Variants in OXR1 observed in about 807,000 individuals in gnomAD.
OXR1 encodes oxidation resistance 1.
In OXR1, 41 loss-of-function variants were observed where a neutral mutation model predicts 104.6. The observed-to-expected ratio is 0.39, with a 90% CI of 0.31 to 0.51. The LOEUF is 0.51. Ranked by LOEUF, OXR1 falls within the 20% of genes least tolerant of loss-of-function variation. The pLI, the probability that OXR1 is intolerant of heterozygous loss-of-function variation, is 0.77. For synonymous variants in OXR1, 348 were observed against 348.4 expected, an observed-to-expected ratio of 1.00 and a Z score of 0.01; for missense variants, 955 against 1,031.9, an observed-to-expected ratio of 0.93 and a Z score of 1.02.
chr8:106,608,392 A>C (rs1198080535), intron 3 of OXR1, among the ~76,000 whole-genome samples: 1 of 152,100 alleles, frequency 6.6e-6, no homozygotes, highest in East Asian at 1.9e-4. Context: ...CAAATCTTTC[A>C]ATGGCCTAAT....
At chr8:106,657,882 C>T (rs961041498) in intron 3 of OXR1, 12 of 1,243,092 alleles carry the variant, frequency 9.7e-6, no homozygotes, top group African/African-American at 3.1e-5. Context: ...GGAGCCGCCT[C>T]CCCTGGGTCA....
intron 1 of OXR1, among the ~76,000 whole-genome samples, chr8:106,306,160 C>T (rs1188379448): frequency 6.6e-6 from 1 of 151,968 alleles, no homozygotes; most frequent in Non-Finnish European, 1.5e-5. Context: ...CCTCTGGGAA[C>T]ATCTAAGGAA....
chr8:106,672,110 G>T (rs1016567927), intron 3 of OXR1, among the ~76,000 whole-genome samples: 2 of 151,540 alleles, frequency 1.3e-5, no homozygotes, highest in African/African-American at 4.8e-5. Context: ...GGAAAAACCG[G>T]AGTTAATAAA....
chr8:106,707,301 C>T, intron 9 of OXR1, 156 bp downstream of exon 9: 1 of 700,862 alleles, frequency 1.4e-6, no homozygotes, highest in Admixed American at 2.2e-5. Flanking sequence ...TATACAGTCT[C>T]CAGTGTCTAC....
chr8:106,649,278 A>T (rs1824346495), intron 3 of OXR1, among the ~76,000 whole-genome samples: 2 of 151,858 alleles, frequency 1.3e-5, no homozygotes, highest in East Asian at 1.9e-4. Flanking sequence ...TTTTTTTTTT[A>T]AAGAAACACA....
At chr8:106,389,659 C>G (rs1405847294) in intron 2 of OXR1, among the ~76,000 whole-genome samples, 1 of 152,156 alleles carries the variant, frequency 6.6e-6, no homozygotes. Flanking sequence ...TAAATTCAAC[C>G]TCAATAAAAC....
chr8:106,287,203 A>T (rs1812536162), intron 1 of OXR1, among the ~76,000 whole-genome samples: 1 of 152,324 alleles, frequency 6.6e-6, no homozygotes, highest in South Asian at 2.1e-4. Flanking sequence ...CTTATTTCTC[A>T]TGATTTCTTT....
At chr8:106,336,020 C>T (rs1051893387) in intron 1 of OXR1, among the ~76,000 whole-genome samples, 3 of 152,118 alleles carry the variant, frequency 2.0e-5, no homozygotes, top group Admixed American at 2.0e-4. Context: ...CACCTGAACC[C>T]CGGAGGCAGA....
intron 3 of OXR1, among the ~76,000 whole-genome samples, chr8:106,660,587 T>G (rs992194716): frequency 2.6e-5 from 4 of 152,200 alleles, no homozygotes; most frequent in African/African-American, 9.7e-5. Flanking sequence ...TAGAACCTTG[T>G]TTCTGTTCCT....
At chr8:106,504,163 G>T (rs543175571) in intron 2 of OXR1, among the ~76,000 whole-genome samples, 1 of 152,334 alleles carries the variant, frequency 6.6e-6, no homozygotes, top group Non-Finnish European at 1.5e-5. Flanking sequence ...TTGCAGGAAT[G>T]ATTCTCAGCT....
chr8:106,723,039 T>G (rs1378795711), intron 11 of OXR1, among the ~76,000 whole-genome samples: 3 of 152,238 alleles, frequency 2.0e-5, no homozygotes, highest in Admixed American at 2.0e-4. Flanking sequence ...CCCAAAGTTA[T>G]GAGCTATAAC....
chr8:106,499,555 A>C (rs934926289), intron 2 of OXR1, among the ~76,000 whole-genome samples: 1 of 152,136 alleles, frequency 6.6e-6, no homozygotes, highest in Non-Finnish European at 1.5e-5. Context: ...CTTTGCTTTT[A>C]CTGTGTAGGA....
intron 1 of OXR1, among the ~76,000 whole-genome samples, chr8:106,304,861 T>A (rs187696212): frequency 6.6e-6 from 1 of 152,222 alleles, no homozygotes; most frequent in Admixed American, 6.5e-5. Context: ...TTAATTGGCG[T>A]TAATTATCAG....
At chr8:106,479,895 G>T (rs776800729) in intron 2 of OXR1, among the ~76,000 whole-genome samples, 1 of 151,964 alleles carries the variant, frequency 6.6e-6, no homozygotes, top group Non-Finnish European at 1.5e-5. Flanking sequence ...AGGAACAAAC[G>T]TGAAAGACTT....
intron 11 of OXR1, 47 bp from the exon 12 acceptor site, chr8:106,737,473 T>C: frequency 2.1e-6 from 1 of 487,546 alleles, no homozygotes; most frequent in Non-Finnish European, 3.4e-6. Flanking sequence ...TTTTGCTGTT[T>C]TTCTCAACTG....
At chr8:106,551,565 A>G (rs537965122) in intron 3 of OXR1, among the ~76,000 whole-genome samples, 1 of 152,156 alleles carries the variant, frequency 6.6e-6, no homozygotes, top group Non-Finnish European at 1.5e-5. Flanking sequence ...TTAATATCTT[A>G]GAGAAAGAGG....
intron 3 of OXR1, among the ~76,000 whole-genome samples, chr8:106,677,007 C>A (rs1211967384): frequency 6.6e-6 from 1 of 151,936 alleles, no homozygotes; most frequent in Non-Finnish European, 1.5e-5. Context: ...AGAGCAATTG[C>A]AAACTTGCAA....
intron 1 of OXR1, among the ~76,000 whole-genome samples, chr8:106,315,284 CTT>C (rs1271745136): frequency 9.9e-5 from 15 of 152,096 alleles, no homozygotes; most frequent in Admixed American, 3.9e-4. Context: ...AATGAAATAA[CTT>C]ATATAAAACA....
intron 3 of OXR1, among the ~76,000 whole-genome samples, chr8:106,581,530 G>A (rs1818222901): frequency 6.6e-6 from 1 of 151,218 alleles, no homozygotes; most frequent in Admixed American, 6.6e-5. Context: ...TTAAACATTT[G>A]TCTTATTTCT....
Sources: gnomAD v4.1 joint callset for allele counts (sites outside exome capture counted in the v4.1 genomes callset) on GRCh38, gnomAD v4.1.1 for gene constraint, MANE v1.5 for transcripts, NCBI Gene and HGNC (gene_info 2026-07-23, HGNC 2026-07-21) for gene names.